HDAC2: variants seen among roughly 807,000 people sequenced by gnomAD.
HDAC2 encodes the protein YY1-associated factor 1.
In HDAC2, 5 loss-of-function variants were observed where a neutral mutation model predicts 68.5. The observed-to-expected ratio is 0.07, with a 90% CI of 0.04 to 0.15. The LOEUF (loss-of-function observed/expected upper bound fraction) is 0.15. HDAC2 is among the 10% of genes least tolerant of loss of function. The pLI is 1.00. For missense variants in HDAC2, 291 were observed against 600.8 expected, an observed-to-expected ratio of 0.48 and a Z score of 5.39; for synonymous variants, 182 against 191.3, an observed-to-expected ratio of 0.95 and a Z score of 0.40.
At chr6:113,947,597 ATAGT>A (rs1176737887) in intron 8 of HDAC2, 3 of 152,332 alleles carry the variant, frequency 2.0e-5, no homozygotes, top group East Asian at 3.9e-4. Flanking sequence ...AGGAAAACTG[ATAGT>A]TAATATACAC....
intron 1 of HDAC2, among the ~76,000 whole-genome samples, chr6:113,965,370 T>G (rs1776787586): frequency 6.6e-6 from 1 of 150,940 alleles, no homozygotes; most frequent in African/African-American, 2.4e-5. Context: ...CTTTTTTTGT[T>G]TTTTTTTTTG....
chr6:113,945,269 A>C (rs1776242439), intron 10 of HDAC2, 93 bp downstream of exon 10: 2 of 545,200 alleles, frequency 3.7e-6, no homozygotes. Context: ...ATATCTAATA[A>C]AGTTAAAAAG....
Position 113,939,825 on chromosome 6 carries a change from A to C in HDAC2, c.*1233T>G, listed in dbSNP as rs1445292130. On this transcript the variant is annotated 3_prime_UTR_variant, in exon 14 of 14. Coordinates refer to ENST00000519065, the MANE Select transcript of HDAC2 (RefSeq NM_001527.4). Reference sequence around the variant, plus strand: ...GGTGGGTGCACAGCTGTTCATTACAAAAGTCTAGGTGCTATTGTGAATGTC... The same window carrying C: ...GGTGGGTGCACAGCTGTTCATTACACAAGTCTAGGTGCTATTGTGAATGTC... 1 of 152,222 alleles carries C rather than the reference A, an allele frequency of 6.6e-6. No homozygotes were observed. Among genetic ancestry groups the C allele is most frequent in the Non-Finnish European group, 1.5e-5 (1 of 68,044 alleles). The allele number at this position is 152,222 out of a possible 1,614,324, so 9.4% of individuals were successfully genotyped here.
chr6:113,965,973 C>G (rs993002033), intron 1 of HDAC2, among the ~76,000 whole-genome samples: 4 of 151,872 alleles, frequency 2.6e-5, no homozygotes, highest in African/African-American at 7.3e-5. Flanking sequence ...TCAACAGAAG[C>G]ATTTAAAGTT....
At chr6:113,949,384 G>C in intron 6 of HDAC2, 124 bp from the exon 7 acceptor site, 1 of 648,622 alleles carries the variant, frequency 1.5e-6, no homozygotes, top group Non-Finnish European at 2.7e-6. Context: ...ATTCATCTTA[G>C]AAGTTGAGAC....
At position 113,936,997 on chromosome 6, in the gene HDAC2, A is replaced by C. The variant is rs1776015360; in HGVS notation, c.*4061T>G. 1 of 152,104 alleles carries C rather than the reference A, an allele frequency of 6.6e-6. No homozygotes were observed. The highest frequency in any genetic ancestry group is 1.5e-5 in the Non-Finnish European group (1 of 68,054). The allele number at this position is 152,104 out of a possible 1,614,324, so 9.4% of individuals were successfully genotyped here. On this transcript the variant is annotated 3_prime_UTR_variant, in exon 14 of 14. Transcript: ENST00000519065. ...ACAGAGTGAGACTCTTTCAAAAAAA[A>C]AAGAAAAAAAAATAGCAGCTAACCC...
chr6:113,946,205 A>C, intron 8 of HDAC2, 57 bp from the exon 9 acceptor site: 3 of 1,437,422 alleles, frequency 2.1e-6, no homozygotes, highest in East Asian at 4.6e-5. Context: ...AGTTCGAAAA[A>C]TAAATTTTAA....
intron 8 of HDAC2, 155 bp downstream of exon 8, chr6:113,948,822 ACT>A (rs1391564202): frequency 1.2e-5 from 8 of 651,024 alleles, no homozygotes; most frequent in East Asian, 2.8e-5. Flanking sequence ...AACAAGAATA[ACT>A]CTAGTCATAC....
intron 8 of HDAC2, chr6:113,947,737 C>G (rs1776296668): frequency 6.6e-6 from 1 of 152,042 alleles, no homozygotes; most frequent in African/African-American, 2.4e-5. Flanking sequence ...TACAAAGGGA[C>G]AATTAATTTA....
At chr6:113,948,749 A>C (rs1196814645) in intron 8 of HDAC2, 1 of 435,402 alleles carries the variant, frequency 2.3e-6, no homozygotes, top group East Asian at 3.6e-5. Context: ...CCTTGGGTTC[A>C]AACTACAATA....
At position 113,939,003 on chromosome 6, in the gene HDAC2, A is replaced by G. The variant is rs1289961476; in HGVS notation, c.*2055T>C. The G allele has an allele frequency of 2.6e-5, 4 of 152,238 alleles. No individual in the cohort carries two copies. The highest frequency in any genetic ancestry group is 9.6e-5 in the African/African-American group (4 of 41,454). The allele number at this position is 152,238 out of a possible 1,614,324, so 9.4% of individuals were successfully genotyped here. Reference sequence around the variant, plus strand: ...ATGTTCACACAATGGAACATAATACATAGCAGTCAAAATGAACTATACTTA... The same window carrying G: ...ATGTTCACACAATGGAACATAATACGTAGCAGTCAAAATGAACTATACTTA... On this transcript the variant is annotated 3_prime_UTR_variant, in exon 14 of 14. Transcript: ENST00000519065.
intron 5 of HDAC2, 24 bp downstream of exon 5, chr6:113,955,989 G>T (rs1442144870): frequency 6.5e-7 from 1 of 1,536,028 alleles, no homozygotes; most frequent in South Asian, 1.2e-5. Flanking sequence ...TCACTGAAAA[G>T]AGTATCAATA....
At chr6:113,948,659 T>C in intron 8 of HDAC2, 1 of 227,706 alleles carries the variant, frequency 4.4e-6, no homozygotes, top group Non-Finnish European at 8.6e-6. Context: ...TCTTCCTTAA[T>C]GAGAAATAAA....
At chr6:113,953,036 C>G (rs1299521752) in intron 6 of HDAC2, among the ~76,000 whole-genome samples, 3 of 152,098 alleles carry the variant, frequency 2.0e-5, no homozygotes, top group African/African-American at 4.8e-5. Flanking sequence ...TGTGGATATT[C>G]AAAAACATTT....
chr6:113,934,925 G>T lies in HDAC2; in HGVS notation c.*6133C>A, dbSNP rs1227410503. 1 of 152,152 alleles carries T rather than the reference G, an allele frequency of 6.6e-6. No homozygotes were observed. The highest frequency in any genetic ancestry group is 1.5e-5 in the Non-Finnish European group (1 of 68,030). 9.4% of individuals were successfully genotyped at this position (152,152 alleles called of 1,614,324 possible). On this transcript the variant is annotated 3_prime_UTR_variant, in exon 14 of 14. Transcript: ENST00000519065. Reference sequence around the variant, plus strand: ...GAATTATATTTTTTCCTGGAAAATGGTATCTAGAGTAAATTTTTCGCACCT... The same window carrying T: ...GAATTATATTTTTTCCTGGAAAATGTTATCTAGAGTAAATTTTTCGCACCT...
At chr6:113,954,391 T>C (rs1776496771) in intron 5 of HDAC2, among the ~76,000 whole-genome samples, 1 of 152,066 alleles carries the variant, frequency 6.6e-6, no homozygotes, top group Admixed American at 6.6e-5. Context: ...CTTCACAAAA[T>C]TAAAAAAACA....
intron 3 of HDAC2, 56 bp from the exon 4 acceptor site, chr6:113,956,749 T>C: frequency 7.0e-6 from 9 of 1,283,928 alleles, no homozygotes; most frequent in Non-Finnish European, 1.0e-5. Flanking sequence ...ATGAAAGCCT[T>C]TTCTTACAAA....
Position 113,940,813 on chromosome 6 carries a change from A to C in HDAC2, c.*245T>G, listed in dbSNP as rs1776112983. The C allele has an allele frequency of 2.6e-6, 1 of 380,448 alleles. No homozygotes were observed. Among genetic ancestry groups the C allele is most frequent in the Admixed American group, 4.3e-5 (1 of 23,404 alleles). 23.6% of individuals were successfully genotyped at this position (380,448 alleles called of 1,614,324 possible). On this transcript the variant is annotated 3_prime_UTR_variant, in exon 14 of 14. Coordinates refer to ENST00000519065, the MANE Select transcript of HDAC2 (RefSeq NM_001527.4). ...TTTAATAGATCAGTTTTTTTGACAT[A>C]ATAACTCACATCAATTTTAAATACT...
At chr6:113,960,072 C>T (rs75610070) in intron 1 of HDAC2, 54 bp from the exon 2 acceptor site, 77,050 of 872,606 alleles carry the variant, frequency 0.088, 4,336 homozygotes, top group East Asian at 0.24. Context: ...CCTCCATGAA[C>T]TATTTGAATT....
Sources: gnomAD v4.1 joint callset for allele counts (sites outside exome capture counted in the v4.1 genomes callset) on GRCh38, gnomAD v4.1.1 for gene constraint, MANE v1.5 for transcripts, NCBI Gene and HGNC (gene_info 2026-07-23, HGNC 2026-07-21) for gene names.